Variants in XKR4 observed in about 807,000 individuals in gnomAD.
XKR4 encodes XK related 4, also known as XK-related protein 4.
In XKR4, 12 loss-of-function variants were observed where a neutral mutation model predicts 53.9. The ratio of observed to expected loss-of-function variants is 0.22; its 90% CI spans 0.14 to 0.36. XKR4 has a LOEUF of 0.36. Ranked by LOEUF, XKR4 falls within the 10% of genes least tolerant of loss-of-function variation. The pLI is 1.00. For synonymous variants in XKR4, 354 were observed against 362.4 expected (o/e 0.98, Z 0.26); for missense variants, 799 against 859.5 (o/e 0.93, Z 0.88).
intron 1 of XKR4, among the ~76,000 whole-genome samples, chr8:55,200,526 C>T (rs1315611286): frequency 6.6e-6 from 1 of 152,170 alleles, no homozygotes; most frequent in African/African-American, 2.4e-5. Flanking sequence ...TAAGTATAAA[C>T]ATAATATTAG....
rs1277572742 is a variant in XKR4, at chr8:55,530,486, C to G, written c.*6259C>G. ...CCTTCTCACTTTAGATATAGCATGT[C>G]TGAAGGTCTGCAAGATGACAGAGTT... On this transcript the variant is annotated 3_prime_UTR_variant, in exon 3 of 3. Transcript: ENST00000327381. 2.6e-5 allele frequency: 4 copies of G among 152,188 alleles called. No individual in the cohort carries two copies. Among genetic ancestry groups the G allele is most frequent in the Admixed American group, 2.6e-4 (4 of 15,290 alleles). 9.4% of individuals were successfully genotyped at this position (152,188 alleles called of 1,614,324 possible).
chr8:55,447,704 T>C (rs1805367297), intron 2 of XKR4, among the ~76,000 whole-genome samples: 1 of 152,222 alleles, frequency 6.6e-6, no homozygotes, highest in Admixed American at 6.5e-5. Context: ...TGTTAAAGAT[T>C]GCAATAAAAT....
chr8:55,479,197 G>A lies in XKR4; in HGVS notation c.1007-44084G>A, dbSNP rs180848512. On this transcript the variant is annotated intron_variant, in intron 2 of 2. Transcript: ENST00000327381. ...TAAAAGACAGAAATTATAACAAACT[G>A]TCTCTCAGACCACAGTGCAATCAAA... Among the ~76,000 whole-genome samples, 13 of 152,124 alleles carry A rather than the reference G, an allele frequency of 8.5e-5. 1 individual carries two copies.
At chr8:55,195,361 T>C (rs974670737) in intron 1 of XKR4, among the ~76,000 whole-genome samples, 1 of 141,326 alleles carries the variant, frequency 7.1e-6, no homozygotes, top group African/African-American at 2.5e-5. Flanking sequence ...CATTTTAGTT[T>C]GTATACATAC....
At chr8:55,396,363 C>T (rs1563340213) in intron 2 of XKR4, among the ~76,000 whole-genome samples, 1 of 137,408 alleles carries the variant, frequency 7.3e-6, no homozygotes, top group Admixed American at 7.2e-5. Context: ...GGACAGAGGG[C>T]AAGGGGAAGG....
intron 2 of XKR4, among the ~76,000 whole-genome samples, chr8:55,461,885 T>C (rs150035314): frequency 0.014 from 2,101 of 152,120 alleles, 49 homozygotes; most frequent in African/African-American, 0.049. Context: ...TGATGGAAGA[T>C]GAAATGAATG....
At chr8:55,432,848 A>C (rs1470105331) in intron 2 of XKR4, among the ~76,000 whole-genome samples, 2 of 151,332 alleles carry the variant, frequency 1.3e-5, no homozygotes, top group African/African-American at 4.9e-5. Flanking sequence ...GAGGAGAGGA[A>C]AGGAAAGGAA....
intron 1 of XKR4, among the ~76,000 whole-genome samples, chr8:55,141,417 T>C (rs1312899984): frequency 6.6e-6 from 1 of 152,006 alleles, no homozygotes; most frequent in African/African-American, 2.4e-5. Flanking sequence ...TCTGCCCTCC[T>C]CCTCCTCACC....
intron 1 of XKR4, among the ~76,000 whole-genome samples, chr8:55,275,558 G>A (rs569841859): frequency 2.6e-5 from 4 of 152,228 alleles, no homozygotes; most frequent in East Asian, 1.9e-4. Flanking sequence ...TCAACCCCAC[G>A]ACCTTTCTTC....
At chr8:55,387,141 T>G (rs778836428) in intron 2 of XKR4, among the ~76,000 whole-genome samples, 19 of 152,250 alleles carry the variant, frequency 1.2e-4, no homozygotes, top group Non-Finnish European at 2.4e-4. Flanking sequence ...ATTGCTGTAC[T>G]GTTTTTGACA....
intron 1 of XKR4, among the ~76,000 whole-genome samples, chr8:55,174,145 AT>A (rs1180625298): frequency 2.6e-5 from 4 of 152,156 alleles, no homozygotes; most frequent in African/African-American, 9.7e-5. Context: ...TTATATGATC[AT>A]TTAAAAAAAA....
intron 1 of XKR4, among the ~76,000 whole-genome samples, chr8:55,258,219 G>A (rs1412650936): frequency 6.6e-6 from 1 of 152,210 alleles, no homozygotes; most frequent in Non-Finnish European, 1.5e-5. Flanking sequence ...CTTCCCGAGG[G>A]AAAGCGACAG....
chr8:55,501,376 AGAC>A (rs1806432889), intron 2 of XKR4, among the ~76,000 whole-genome samples: 1 of 152,320 alleles, frequency 6.6e-6, no homozygotes, highest in Admixed American at 6.5e-5. Context: ...CACTGTTGTG[AGAC>A]ATTCACTACC....
At chr8:55,341,504 G>A (rs1484684817) in intron 1 of XKR4, among the ~76,000 whole-genome samples, 3 of 152,086 alleles carry the variant, frequency 2.0e-5, no homozygotes, top group African/African-American at 7.2e-5. Context: ...AAGGCGCCCT[G>A]GATTCTCTGT....
chr8:55,187,974 C>CT (rs941415663), intron 1 of XKR4, among the ~76,000 whole-genome samples: 24 of 152,192 alleles, frequency 1.6e-4, no homozygotes, highest in African/African-American at 4.3e-4. Context: ...AATTTAAGTG[C>CT]TTTTTTTCAG....
chr8:55,223,772 G>C (rs1357982426), intron 1 of XKR4, among the ~76,000 whole-genome samples: 1 of 152,188 alleles, frequency 6.6e-6, no homozygotes. Flanking sequence ...TAAGCAGAAA[G>C]ATATTGTTAC....
intron 1 of XKR4, among the ~76,000 whole-genome samples, chr8:55,329,793 T>C (rs1803356299): frequency 6.6e-6 from 1 of 152,122 alleles, no homozygotes. Context: ...AACATTGCTG[T>C]GTGTTTCCCT....
intron 2 of XKR4, among the ~76,000 whole-genome samples, chr8:55,412,734 A>G (rs1423648882): frequency 6.6e-6 from 1 of 152,252 alleles, no homozygotes; most frequent in Non-Finnish European, 1.5e-5. Flanking sequence ...TGTGTTAAGA[A>G]CAGGAGAACA....
chr8:55,434,446 C>T (rs1406116460), intron 2 of XKR4, among the ~76,000 whole-genome samples: 1 of 129,466 alleles, frequency 7.7e-6, no homozygotes, highest in African/African-American at 3.0e-5. Flanking sequence ...TGTGTGTATG[C>T]AGAAATGGCA....
Sources: allele counts gnomAD v4.1 joint callset (sites outside exome capture counted in the v4.1 genomes callset), GRCh38; gene constraint gnomAD v4.1.1; transcripts MANE v1.5; gene names NCBI Gene and HGNC (gene_info 2026-07-23, HGNC 2026-07-21).